The following MTHFD1L variants were observed in gnomAD, a reference collection of about 807,000 sequenced individuals.
MTHFD1L encodes monofunctional C1-tetrahydrofolate synthase, mitochondrial.
In MTHFD1L, 81 loss-of-function variants were observed where a neutral mutation model predicts 119.5. The observed-to-expected ratio is 0.68, with a 90% CI of 0.57 to 0.82. The LOEUF (loss-of-function observed/expected upper bound fraction) is 0.82, where lower values mean the gene tolerates loss of function less well. Among genes scored for constraint, MTHFD1L ranks in the 40% least tolerant of loss-of-function variants. The pLI is 0.00. For missense variants in MTHFD1L, 1,125 were observed against 1,253.4 expected, an observed-to-expected ratio of 0.90 and a Z score of 1.55; for synonymous variants, 430 against 475.2, an observed-to-expected ratio of 0.90 and a Z score of 1.24.
chr6:150,991,935 G>A (rs1267280876), intron 20 of MTHFD1L, among the ~76,000 whole-genome samples: 3 of 152,152 alleles, frequency 2.0e-5, no homozygotes, highest in African/African-American at 7.2e-5. Flanking sequence ...AAAATAGTTC[G>A]CTAGTTCAGA....
intron 24 of MTHFD1L, among the ~76,000 whole-genome samples, chr6:151,017,825 G>C (rs1157484735): frequency 1.7e-5 from 2 of 119,578 alleles, no homozygotes; most frequent in East Asian, 7.1e-4. Flanking sequence ...TCAAGACCGT[G>C]TTTTCTTTTT....
intron 20 of MTHFD1L, among the ~76,000 whole-genome samples, chr6:150,976,231 G>T (rs540152573): frequency 2.4e-4 from 37 of 152,182 alleles, no homozygotes; most frequent in African/African-American, 7.9e-4. Context: ...AAGCAGCTTC[G>T]CATGCTCTTC....
rs59402523 is a variant in MTHFD1L, at chr6:151,021,947, A to G, written c.2586+6254A>G. 9.4e-4 allele frequency: 434 copies of G among 461,330 alleles called. 4 individuals carry two copies. Among genetic ancestry groups the G allele is most frequent in the African/African-American group, 5.4e-3 (270 of 50,056 alleles). 28.6% of individuals were successfully genotyped at this position (461,330 alleles called of 1,614,324 possible). ...TCTGTATCCTTCCTCTAGCCTTGCA[A>G]ACATTTTAAGGTGTAGCCTTGACAG... On this transcript the variant is annotated intron_variant, in intron 24 of 27. Transcript: ENST00000367321.
chr6:151,044,108 G>C (rs73620688), intron 26 of MTHFD1L, among the ~76,000 whole-genome samples: 8,341 of 152,080 alleles, frequency 0.055, 383 homozygotes, highest in African/African-American at 0.11. Context: ...GGAGAAAGAC[G>C]ACTGGTGCTT....
intron 1 of MTHFD1L, chr6:150,866,327 G>T: frequency 6.9e-7 from 1 of 1,455,476 alleles, no homozygotes; most frequent in Non-Finnish European, 9.0e-7. Context: ...CCGCACGCCC[G>T]GCTCCACGTG....
At chr6:151,075,517 A>G (rs934905517) in intron 26 of MTHFD1L, among the ~76,000 whole-genome samples, 12 of 152,206 alleles carry the variant, frequency 7.9e-5, no homozygotes, top group Admixed American at 6.5e-4. Context: ...ATAAAATTAT[A>G]GGGAAAAATA....
chr6:151,017,266 C>T (rs1459144920), intron 24 of MTHFD1L, among the ~76,000 whole-genome samples: 1 of 152,130 alleles, frequency 6.6e-6, no homozygotes, highest in Non-Finnish European at 1.5e-5. Context: ...CTCCAGGGAC[C>T]TCATGTAAGT....
chr6:151,093,958 C>T (rs924489909), intron 27 of MTHFD1L, among the ~76,000 whole-genome samples: 1 of 152,142 alleles, frequency 6.6e-6, no homozygotes, highest in Non-Finnish European at 1.5e-5. Context: ...CGGTCTTATT[C>T]ATGTCCACGC....
chr6:150,928,463 T>A (rs1790434025), intron 11 of MTHFD1L, among the ~76,000 whole-genome samples: 1 of 147,486 alleles, frequency 6.8e-6, no homozygotes, highest in South Asian at 2.1e-4. Flanking sequence ...AAAAATCACC[T>A]CTTTAATGAT....
intron 26 of MTHFD1L, among the ~76,000 whole-genome samples, chr6:151,076,809 G>C (rs1339719063): frequency 6.6e-6 from 1 of 152,106 alleles, no homozygotes; most frequent in Non-Finnish European, 1.5e-5. Flanking sequence ...CTGCCATATA[G>C]TCAAGACATT....
At chr6:151,056,912 A>G (rs1211434747) in intron 26 of MTHFD1L, among the ~76,000 whole-genome samples, 1 of 152,186 alleles carries the variant, frequency 6.6e-6, no homozygotes, top group East Asian at 1.9e-4. Context: ...CCAGTTGTGG[A>G]ATGAATTTTT....
intron 26 of MTHFD1L, among the ~76,000 whole-genome samples, chr6:151,047,674 A>G (rs111434956): frequency 0.012 from 1,807 of 152,184 alleles, 28 homozygotes; most frequent in African/African-American, 0.041. Context: ...AACCCCAAGA[A>G]TATGTTGTAG....
chr6:151,004,095 C>T (rs1781040203), intron 20 of MTHFD1L, among the ~76,000 whole-genome samples: 1 of 151,148 alleles, frequency 6.6e-6, no homozygotes, highest in Non-Finnish European at 1.5e-5. Context: ...GTAATCCCAG[C>T]ACTTTGGGAG....
intron 26 of MTHFD1L, among the ~76,000 whole-genome samples, chr6:151,044,786 G>T (rs750537597): frequency 8.5e-5 from 13 of 152,270 alleles, no homozygotes; most frequent in Admixed American, 3.3e-4. Context: ...ATCATCGCTT[G>T]GCTGGACTCT....
chr6:151,098,523 T>C (rs1795083552), intron 27 of MTHFD1L, among the ~76,000 whole-genome samples: 1 of 152,204 alleles, frequency 6.6e-6, no homozygotes, highest in South Asian at 2.1e-4. Flanking sequence ...TCCAGCTTTA[T>C]ACTTAAATAA....
intron 21 of MTHFD1L, among the ~76,000 whole-genome samples, chr6:151,010,256 T>C (rs1181447071): frequency 1.3e-5 from 2 of 152,208 alleles, no homozygotes; most frequent in Admixed American, 1.3e-4. Context: ...ATGCAACCAC[T>C]TTTTAGTCTC....
At chr6:151,099,978 C>T (rs916555162) in intron 27 of MTHFD1L, 15 of 828,906 alleles carry the variant, frequency 1.8e-5, no homozygotes, top group Non-Finnish European at 3.1e-5. Context: ...GTAAAAACAG[C>T]CATCTGGCAT....
At chr6:150,935,016 T>C (rs1791808623) in intron 11 of MTHFD1L, 1 of 1,610,330 alleles carries the variant, frequency 6.2e-7, no homozygotes, top group Non-Finnish European at 8.5e-7. Context: ...CAACCTGCCT[T>C]CATTCAGTCC....
intron 26 of MTHFD1L, among the ~76,000 whole-genome samples, chr6:151,057,542 C>T (rs1030436687): frequency 6.6e-6 from 1 of 151,868 alleles, no homozygotes; most frequent in African/African-American, 2.4e-5. Flanking sequence ...TGGGGTGGGA[C>T]CATCGCTTGG....
Sources: allele counts gnomAD v4.1 joint callset (sites outside exome capture counted in the v4.1 genomes callset), GRCh38; gene constraint gnomAD v4.1.1; transcripts MANE v1.5; gene names NCBI Gene and HGNC (gene_info 2026-07-23, HGNC 2026-07-21).